The following CACNA1C variants were observed in gnomAD, a reference collection of about 807,000 sequenced individuals.
CACNA1C encodes calcium voltage-gated channel subunit alpha1 C.
A neutral mutation model predicts 229.0 loss-of-function variants in CACNA1C; 30 were observed. The ratio of observed to expected loss-of-function variants is 0.13; its 90% CI spans 0.10 to 0.18. CACNA1C has a LOEUF of 0.18. Among genes scored for constraint, CACNA1C ranks in the 10% least tolerant of loss-of-function variants. CACNA1C has a pLI of 1.00. For missense variants in CACNA1C, 1,658 were observed against 2,845.0 expected, an observed-to-expected ratio of 0.58 and a Z score of 9.49; for synonymous variants, 1,114 against 1,132.5, an observed-to-expected ratio of 0.98 and a Z score of 0.33.
At chr12:2,643,326 G>A (rs1000607841) in intron 30 of CACNA1C, among the ~76,000 whole-genome samples, 3 of 152,254 alleles carry the variant, frequency 2.0e-5, no homozygotes, top group Admixed American at 1.3e-4. Context: ...TGCGTTCCCT[G>A]CCCTTTGTTT....
In CACNA1C at chr12:2,089,800, T is replaced by C. The variant is rs568021277; in HGVS notation, c.50-25424T>C. Among the ~76,000 whole-genome samples, 39 of 152,102 alleles carry C rather than the reference T, an allele frequency of 2.6e-4. No individual in the cohort carries two copies. The East Asian group carries it at 5.4e-3, about 21-fold the overall frequency. On this transcript the variant is annotated intron_variant, in intron 1 of 46. Coordinates refer to ENST00000399655, the MANE Select transcript of CACNA1C (RefSeq NM_000719.7). ...CTGTAATCCCAGCACTTGGGGAGGC[T>C]GAGGTGGGCGGATCACAAGGTCGGG...
At chr12:2,190,110 T>G (rs1216056814) in intron 3 of CACNA1C, among the ~76,000 whole-genome samples, 1 of 152,154 alleles carries the variant, frequency 6.6e-6, no homozygotes, top group African/African-American at 2.4e-5. Flanking sequence ...CCTTTAAAAT[T>G]TATTGGAAGG....
At chr12:2,431,815 T>A (rs1258333784) in intron 3 of CACNA1C, among the ~76,000 whole-genome samples, 1 of 152,224 alleles carries the variant, frequency 6.6e-6, no homozygotes, top group Non-Finnish European at 1.5e-5. Flanking sequence ...TGCCATTGCA[T>A]TGCTCTGCAG....
rs2097840647 is a variant in CACNA1C, at chr12:2,696,042, C to T, written c.*4843C>T. ...TGACTCCCTTGGATGGAAGTAGTAC[C>T]ATCAGAACCTACTATTATTATGACA... On this transcript the variant is annotated 3_prime_UTR_variant, in exon 47 of 47. Coordinates refer to ENST00000399655, the MANE Select transcript of CACNA1C (RefSeq NM_000719.7). 1 of 152,136 alleles carries T rather than the reference C, an allele frequency of 6.6e-6. No individual in the cohort carries two copies. The highest frequency in any genetic ancestry group is 1.5e-5 in the Non-Finnish European group (1 of 68,036). 9.4% of individuals were successfully genotyped at this position (152,136 alleles called of 1,614,324 possible).
chr12:2,262,777 T>A (rs2080821595), intron 3 of CACNA1C, among the ~76,000 whole-genome samples: 1 of 152,196 alleles, frequency 6.6e-6, no homozygotes, highest in South Asian at 2.1e-4. Flanking sequence ...ACAGCAGATG[T>A]GAAAAGTGCT....
At chr12:1,999,472 G>A (rs971991157) in intron 1 of CACNA1C, among the ~76,000 whole-genome samples, 2 of 152,188 alleles carry the variant, frequency 1.3e-5, no homozygotes, top group Admixed American at 1.3e-4. Context: ...AGCACTCTGG[G>A]AGGCTGAGGC....
intron 11 of CACNA1C, among the ~76,000 whole-genome samples, chr12:2,565,270 C>T (rs369632057): frequency 9.9e-5 from 15 of 151,710 alleles, no homozygotes; most frequent in Admixed American, 2.6e-4. Context: ...AGATCGAGAC[C>T]ATCCTGGCTA....
Position 2,094,820 on chromosome 12 carries a change from A to G in CACNA1C, c.50-20404A>G, listed in dbSNP as rs1304304607. The stretch of plus-strand genomic sequence containing the variant: ...AAATGCAGCCACTCTGGATGGGGCC[A>G]TGCTGGGGTGCCTACAAGGGCCTTC... On this transcript the variant is annotated intron_variant, in intron 1 of 46. Coordinates refer to ENST00000399655, the MANE Select transcript of CACNA1C (RefSeq NM_000719.7). Among the ~76,000 whole-genome samples the G allele has an allele frequency of 2.0e-5, 3 of 152,316 alleles. No homozygotes were observed. The South Asian group carries it at 6.2e-4, about 32-fold the overall frequency.
At chr12:2,000,620 T>C (rs1312738532) in intron 1 of CACNA1C, among the ~76,000 whole-genome samples, 1 of 152,158 alleles carries the variant, frequency 6.6e-6, no homozygotes, top group Non-Finnish European at 1.5e-5. Flanking sequence ...ACAAAGAATA[T>C]GAGTTTGTTC....
chr12:2,597,631 G>A lies in CACNA1C; in HGVS notation c.2853+342G>A. On this transcript the variant is annotated intron_variant, in intron 21 of 46. Coordinates refer to ENST00000399655, the MANE Select transcript of CACNA1C (RefSeq NM_000719.7). This position sits in a 1 kb window ranked among gnomAD's most constrained non-coding sequence, Gnocchi z 4.3. ...CCCAAGCCTGAAATTGGAAAAATGA[G>A]TGCCCCTCACTTTGTGTGATGCACT... 1.4e-6 allele frequency: 1 copy of A among 719,902 alleles called. No homozygotes were observed. Among genetic ancestry groups the A allele is most frequent in the East Asian group, 2.7e-5 (1 of 37,434 alleles). 44.6% of individuals were successfully genotyped at this position (719,902 alleles called of 1,614,324 possible). A position where few individuals can be genotyped will look rare whatever the true frequency, so the allele number is the denominator to read the frequency against.
chr12:2,589,099 C>A lies in CACNA1C; in HGVS notation c.2530+3195C>A, dbSNP rs1378750619. Among the ~76,000 whole-genome samples the A allele has an allele frequency of 2.0e-5, 3 of 152,196 alleles. No individual in the cohort carries two copies. The East Asian group carries it at 5.8e-4, about 30-fold the overall frequency. On this transcript the variant is annotated intron_variant, in intron 18 of 46. Transcript: ENST00000399655. Reference sequence around the variant, plus strand: ...AGAGATGCTGAGAGTTGGGAGGAACCTTGTAGATATTCATGAACTACTCAT... The same window carrying A: ...AGAGATGCTGAGAGTTGGGAGGAACATTGTAGATATTCATGAACTACTCAT...
At position 2,694,794 on chromosome 12, in the gene CACNA1C, G is replaced by A. The variant is rs900033584; in HGVS notation, c.*3595G>A. Reference sequence around the variant, plus strand: ...AGCAACAGTGACACCTAGAAAATGAGGACTTTGGAAGTCACCCAAAAGATG... The same window carrying A: ...AGCAACAGTGACACCTAGAAAATGAAGACTTTGGAAGTCACCCAAAAGATG... On this transcript the variant is annotated 3_prime_UTR_variant, in exon 47 of 47. Coordinates refer to ENST00000399655, the MANE Select transcript of CACNA1C (RefSeq NM_000719.7). 1.3e-5 allele frequency: 2 copies of A among 152,212 alleles called. No homozygotes were observed. 9.4% of individuals were successfully genotyped at this position (152,212 alleles called of 1,614,324 possible).
chr12:2,656,715 A>G (rs1348981867), intron 34 of CACNA1C, among the ~76,000 whole-genome samples: 2 of 152,240 alleles, frequency 1.3e-5, no homozygotes, highest in African/African-American at 4.8e-5. Flanking sequence ...ACAGCATGGT[A>G]CTGGCATAAA....
chr12:2,185,539 T>C (rs531869432), intron 3 of CACNA1C, among the ~76,000 whole-genome samples: 11 of 152,206 alleles, frequency 7.2e-5, no homozygotes, highest in South Asian at 2.1e-4. Flanking sequence ...TCCAATATGA[T>C]TGGATTTATA....
chr12:2,313,958 C>T (rs6489358), intron 3 of CACNA1C, among the ~76,000 whole-genome samples: 13,414 of 152,280 alleles, frequency 0.088, 1,942 homozygotes, highest in African/African-American at 0.3. Context: ...CAGGGAGGCT[C>T]AGGAAAATAT....
At chr12:2,132,584 T>G (rs1395279604) in intron 3 of CACNA1C, among the ~76,000 whole-genome samples, 1 of 41,438 alleles carries the variant, frequency 2.4e-5, no homozygotes, top group African/African-American at 1.6e-4. Flanking sequence ...TGTCTTTGGT[T>G]CTGTTTATGT....
chr12:1,990,163 C>G (rs899312157), intron 1 of CACNA1C, among the ~76,000 whole-genome samples: 6 of 152,120 alleles, frequency 3.9e-5, no homozygotes, highest in African/African-American at 1.4e-4. Context: ...ATCCCTTTAA[C>G]CTTAGTATTC....
At chr12:2,123,818 C>G (rs1045293398) in intron 3 of CACNA1C, among the ~76,000 whole-genome samples, 2 of 152,152 alleles carry the variant, frequency 1.3e-5, no homozygotes, top group Non-Finnish European at 2.9e-5. Flanking sequence ...GTTCAGACTT[C>G]CTGTGCCTTA....
At chr12:2,545,961 G>A (rs1233912507) in intron 9 of CACNA1C, among the ~76,000 whole-genome samples, 1 of 152,270 alleles carries the variant, frequency 6.6e-6, no homozygotes, top group African/African-American at 2.4e-5. Context: ...ATGCTCTCCA[G>A]TGCAGTGGCT....
Sources: allele counts gnomAD v4.1 joint callset (sites outside exome capture counted in the v4.1 genomes callset), GRCh38; gene constraint gnomAD v4.1.1; non-coding constraint Gnocchi (gnomAD v3.1); transcripts MANE v1.5; gene names NCBI Gene and HGNC (gene_info 2026-07-23, HGNC 2026-07-21).